The following MZT1 variants were observed in gnomAD, a reference collection of about 807,000 sequenced individuals.
The protein encoded by MZT1 is mitotic spindle organizing protein 1, also known as mitotic-spindle organizing protein 1.
A neutral mutation model predicts 8.5 loss-of-function variants in MZT1; 8 were observed. The observed-to-expected ratio is 0.94, with a 90% confidence interval of 0.55 to 1.70. The LOEUF is 1.70. Ranked by LOEUF, MZT1 falls within the 40% of genes most tolerant of loss-of-function variation. MZT1 has a pLI of 0.00. For synonymous variants in MZT1, 38 were observed against 42.0 expected (o/e 0.90, Z 0.37); for missense variants, 93 against 108.6 (o/e 0.86, Z 0.64).
At chr13:72,725,841 G>A (rs933348077) in intron 1 of MZT1, among the ~76,000 whole-genome samples, 7 of 151,948 alleles carry the variant, frequency 4.6e-5, no homozygotes, top group African/African-American at 1.4e-4. Context: ...TAGAAGTGAG[G>A]TCTTATACTC....
chr13:72,712,040 T>A (rs536967988), intron 2 of MZT1, among the ~76,000 whole-genome samples: 39 of 152,380 alleles, frequency 2.6e-4, no homozygotes, highest in African/African-American at 4.1e-4. Context: ...GATTTTTTTT[T>A]AAATTTTTTG....
intron 2 of MZT1, among the ~76,000 whole-genome samples, chr13:72,712,024 T>C (rs1012203622): frequency 1.4e-4 from 21 of 152,382 alleles, no homozygotes; most frequent in Admixed American, 1.2e-3. Context: ...TTTGGTAATC[T>C]TGAGTGATTT....
At chr13:72,723,524 G>A (rs1050185642) in intron 1 of MZT1, among the ~76,000 whole-genome samples, 6 of 151,978 alleles carry the variant, frequency 3.9e-5, no homozygotes, top group Admixed American at 6.6e-5. Context: ...CATCCCTGAG[G>A]GAAAAAACCA....
At chr13:72,721,131 G>C (rs1348009794) in intron 1 of MZT1, among the ~76,000 whole-genome samples, 1 of 152,086 alleles carries the variant, frequency 6.6e-6, no homozygotes, top group African/African-American at 2.4e-5. Flanking sequence ...CATGTACTTA[G>C]AATTTTACTT....
At position 72,709,968 on chromosome 13, in the gene MZT1, GT is replaced by G. The variant is rs1463618237; in HGVS notation, c.*353del. 1 of 235,216 alleles carries G rather than the reference GT, an allele frequency of 4.3e-6. No individual in the cohort carries two copies. Among genetic ancestry groups the G allele is most frequent in the Admixed American group, 5.4e-5 (1 of 18,500 alleles). 14.6% of individuals were successfully genotyped at this position (235,216 alleles called of 1,614,324 possible). ...AACTACTACACATTACTACTGATGGGTTCCACTATACTTCAACCTGGCACAG... is the reference window on the plus strand; with the variant it reads ...AACTACTACACATTACTACTGATGGGTCCACTATACTTCAACCTGGCACAG... On this transcript the variant is annotated 3_prime_UTR_variant, in exon 3 of 3. Coordinates refer to ENST00000377818, the MANE Select transcript of MZT1 (RefSeq NM_001071775.3).
chr13:72,722,564 A>G, intron 1 of MZT1, among the ~76,000 whole-genome samples: 2 of 152,078 alleles, frequency 1.3e-5, no homozygotes, highest in East Asian at 3.9e-4. Context: ...CCATTCTAAG[A>G]TAGGAAGCCG....
intron 2 of MZT1, among the ~76,000 whole-genome samples, chr13:72,713,421 G>T (rs928426830): frequency 6.6e-6 from 1 of 152,178 alleles, no homozygotes; most frequent in Non-Finnish European, 1.5e-5. Context: ...AAGGTCCACA[G>T]ATGCTCAAAT....
intron 1 of MZT1, among the ~76,000 whole-genome samples, chr13:72,720,620 G>A (rs191258304): frequency 1.3e-4 from 20 of 152,314 alleles, no homozygotes; most frequent in African/African-American, 4.8e-4. Flanking sequence ...CGGGCGCAGT[G>A]GCTCACGCCT....
intron 1 of MZT1, among the ~76,000 whole-genome samples, chr13:72,725,345 G>A (rs1463663548): frequency 6.6e-6 from 1 of 152,090 alleles, no homozygotes; most frequent in Non-Finnish European, 1.5e-5. Context: ...AATTGGCAGA[G>A]ATAGTTCTTT....
At chr13:72,724,615 G>A (rs1465693742) in intron 1 of MZT1, among the ~76,000 whole-genome samples, 7 of 131,776 alleles carry the variant, frequency 5.3e-5, no homozygotes, top group African/African-American at 2.0e-4. Flanking sequence ...CTCAGCTCAC[G>A]ACAACCTTCG....
chr13:72,720,423 T>A (rs1185526626), intron 1 of MZT1, among the ~76,000 whole-genome samples: 1 of 152,244 alleles, frequency 6.6e-6, no homozygotes, highest in Non-Finnish European at 1.5e-5. Flanking sequence ...TGGATTCTGA[T>A]TAACTGTATA....
chr13:72,723,446 G>A (rs2032609200), intron 1 of MZT1, among the ~76,000 whole-genome samples: 1 of 152,168 alleles, frequency 6.6e-6, no homozygotes, highest in South Asian at 2.1e-4. Context: ...ACACCGTAGT[G>A]GAAAATTCCA....
rs1284552980 is a variant in MZT1, at chr13:72,709,610, A to G, written c.*712T>C. 2 of 152,112 alleles carry G rather than the reference A, an allele frequency of 1.3e-5. No individual in the cohort carries two copies. The highest frequency in any genetic ancestry group is 1.3e-4 in the Admixed American group (2 of 15,278). 9.4% of individuals were successfully genotyped at this position (152,112 alleles called of 1,614,324 possible). A position where few individuals can be genotyped will look rare whatever the true frequency, so the allele number is the denominator to read the frequency against. On this transcript the variant is annotated 3_prime_UTR_variant, in exon 3 of 3. Coordinates refer to ENST00000377818, the MANE Select transcript of MZT1 (RefSeq NM_001071775.3). ...GTAAATGATTCAAATTACAAATAAT[A>G]CTAACCTAAGCATTGTCATTACTTT...
At position 72,727,509 on chromosome 13, in the gene MZT1, G is replaced by A. The variant is rs1251516732; in HGVS notation, c.79+15C>T. 10 of 1,612,858 alleles carry A rather than the reference G, an allele frequency of 6.2e-6. No homozygotes were observed. The highest frequency in any genetic ancestry group is 1.3e-5 in the African/African-American group (1 of 75,034). On this transcript the variant is annotated intron_variant, in intron 1 of 2. Coordinates refer to ENST00000377818, the MANE Select transcript of MZT1 (RefSeq NM_001071775.3). ...GGAAGGCACGCAAGGTAAAGGGAGC[G>A]CAACGGAAACTCACCGTCCATGGTC... is the stretch of plus-strand genomic sequence containing the variant.
chr13:72,717,131 AATTCTCAGAT>A (rs2138010925), intron 2 of MZT1, among the ~76,000 whole-genome samples: 2 of 152,174 alleles, frequency 1.3e-5, no homozygotes, highest in South Asian at 4.2e-4. Flanking sequence ...GAATTTTCTA[AATTCTCAGAT>A]GCTAGTTCCT....
chr13:72,725,711 C>A (rs1275596437), intron 1 of MZT1, among the ~76,000 whole-genome samples: 2 of 151,970 alleles, frequency 1.3e-5, no homozygotes, highest in African/African-American at 4.8e-5. Flanking sequence ...CAACACAAAC[C>A]ATCAGTTCTC....
intron 1 of MZT1, among the ~76,000 whole-genome samples, chr13:72,724,717 TAC>T (rs71899585): frequency 0.55 from 25,312 of 46,030 alleles, 9,864 homozygotes; most frequent in Non-Finnish European, 0.82. Context: ...TATATATATA[TAC>T]ATATATATAT....
chr13:72,713,525 C>T (rs908040126), intron 2 of MZT1, among the ~76,000 whole-genome samples: 4 of 152,134 alleles, frequency 2.6e-5, no homozygotes, highest in African/African-American at 7.2e-5. Flanking sequence ...ATACCTAACA[C>T]GATGTAAACG....
chr13:72,725,864 A>G (rs747900739), intron 1 of MZT1, among the ~76,000 whole-genome samples: 3 of 152,140 alleles, frequency 2.0e-5, no homozygotes, highest in Non-Finnish European at 2.9e-5. Flanking sequence ...CCTTTTTCCA[A>G]GGAAATATAC....
Sources: gnomAD v4.1 joint callset for allele counts (sites outside exome capture counted in the v4.1 genomes callset) on GRCh38, gnomAD v4.1.1 for gene constraint, MANE v1.5 for transcripts, NCBI Gene and HGNC (gene_info 2026-07-23, HGNC 2026-07-21) for gene names.